Variants in AGBL4 observed in about 807,000 individuals in gnomAD.
AGBL4 encodes AGBL carboxypeptidase 4.
In AGBL4, 58 loss-of-function variants were observed where a neutral mutation model predicts 66.4. The observed-to-expected ratio is 0.87, with a 90% confidence interval of 0.71 to 1.09. The LOEUF (loss-of-function observed/expected upper bound fraction) is 1.09, where lower values mean the gene tolerates loss of function less well. AGBL4 is among the 50% of genes least tolerant of loss of function. The pLI, the probability that AGBL4 is intolerant of heterozygous loss-of-function variation, is 0.00. For synonymous variants in AGBL4, 234 were observed against 222.9 expected (o/e 1.05, Z -0.44); for missense variants, 579 against 631.0 (o/e 0.92, Z 0.88).
intron 4 of AGBL4, among the ~76,000 whole-genome samples, chr1:49,047,429 C>T (rs1644106975): frequency 6.6e-6 from 1 of 152,096 alleles, no homozygotes; most frequent in South Asian, 2.1e-4. Context: ...CATTTGCCTC[C>T]TACTCCCAAA....
intron 1 of AGBL4, among the ~76,000 whole-genome samples, chr1:49,978,981 T>A (rs988243426): frequency 2.8e-4 from 43 of 152,150 alleles, no homozygotes; most frequent in Non-Finnish European, 5.4e-4. Flanking sequence ...TATTGAAAAA[T>A]TTTTTGAAGA....
intron 4 of AGBL4, among the ~76,000 whole-genome samples, chr1:49,185,871 C>A (rs961746408): frequency 6.6e-6 from 1 of 152,126 alleles, no homozygotes; most frequent in African/African-American, 2.4e-5. Flanking sequence ...TCAAAGCAAT[C>A]TCAGCTTGTT....
intron 6 of AGBL4, among the ~76,000 whole-genome samples, chr1:48,800,169 A>G (rs1272605961): frequency 6.6e-6 from 1 of 152,162 alleles, no homozygotes; most frequent in African/African-American, 2.4e-5. Context: ...TATTGTTTCA[A>G]TCTCACCATT....
At chr1:48,550,224 C>G (rs1379533864) in intron 11 of AGBL4, among the ~76,000 whole-genome samples, 1 of 152,136 alleles carries the variant, frequency 6.6e-6, no homozygotes, top group East Asian at 1.9e-4. Context: ...CTTAAAACAA[C>G]AGAAATGTAT....
chr1:49,861,968 T>A (rs1646583257), intron 1 of AGBL4, among the ~76,000 whole-genome samples: 1 of 152,090 alleles, frequency 6.6e-6, no homozygotes. Flanking sequence ...TACCTAACTC[T>A]TCAATGCCCA....
At chr1:49,995,769 A>G (rs1395153942) in intron 1 of AGBL4, 1 of 155,806 alleles carries the variant, frequency 6.4e-6, no homozygotes, top group Admixed American at 6.4e-5. Context: ...AAATACAACC[A>G]AGGACCCTCA....
chr1:49,100,914 T>C (rs1023722163), intron 4 of AGBL4, among the ~76,000 whole-genome samples: 1 of 152,188 alleles, frequency 6.6e-6, no homozygotes, highest in Non-Finnish European at 1.5e-5. Context: ...ATAAGGATGC[T>C]GAGGCTTATA....
intron 3 of AGBL4, among the ~76,000 whole-genome samples, chr1:49,654,857 T>TG (rs1646089158): frequency 2.0e-5 from 3 of 152,298 alleles, no homozygotes; most frequent in African/African-American, 7.2e-5. Flanking sequence ...AGAACACTGA[T>TG]GATCTTGACT....
At chr1:49,333,612 T>C (rs138457413) in intron 3 of AGBL4, among the ~76,000 whole-genome samples, 1,624 of 152,304 alleles carry the variant, frequency 0.011, 12 homozygotes, top group South Asian at 0.015. Flanking sequence ...AGTAGTCTTA[T>C]GTTATTTAAA....
chr1:48,547,422 G>A (rs1644181990), intron 11 of AGBL4, among the ~76,000 whole-genome samples: 1 of 151,928 alleles, frequency 6.6e-6, no homozygotes, highest in Non-Finnish European at 1.5e-5. Context: ...GGGAAGGAGT[G>A]AAGGATGACT....
Position 49,187,077 on chromosome 1 carries a change from G to T in AGBL4, c.377+58693C>A, listed in dbSNP as rs190462431. ...TTGGCTTTAGCCAGCATTCATAAAA[G>T]GTATGAATAAGATTCAGAATTAAGT... On this transcript the variant is annotated intron_variant, in intron 4 of 13. Transcript: ENST00000371839. 2.2e-4 allele frequency among the ~76,000 whole-genome samples: 34 copies of T among 152,272 alleles called. 1 individual carries two copies. The highest frequency in any genetic ancestry group is 1.8e-3 in the Admixed American group (27 of 15,286).
chr1:49,762,656 C>T (rs1257279793), intron 2 of AGBL4, among the ~76,000 whole-genome samples: 1 of 152,228 alleles, frequency 6.6e-6, no homozygotes, highest in Non-Finnish European at 1.5e-5. Flanking sequence ...TCGTGCTCTG[C>T]CCGCCTTGGC....
At chr1:48,694,048 CAAAAA>C (rs61574470) in intron 6 of AGBL4, among the ~76,000 whole-genome samples, 3 of 56,978 alleles carry the variant, frequency 5.3e-5, no homozygotes, top group Admixed American at 4.2e-4. Flanking sequence ...TTTCCCTATT[CAAAAA>C]AAAAAAAAAA....
At chr1:49,199,566 TCA>T (rs1397521727) in intron 4 of AGBL4, among the ~76,000 whole-genome samples, 1 of 152,184 alleles carries the variant, frequency 6.6e-6, no homozygotes, top group African/African-American at 2.4e-5. Flanking sequence ...TGGGAAGATC[TCA>T]TTTTTATCCC....
At chr1:48,601,825 T>A (rs1328022421) in intron 9 of AGBL4, among the ~76,000 whole-genome samples, 1 of 152,046 alleles carries the variant, frequency 6.6e-6, no homozygotes, top group Non-Finnish European at 1.5e-5. Context: ...ACTTGGGAAG[T>A]CATCCTATGT....
intron 3 of AGBL4, among the ~76,000 whole-genome samples, chr1:49,252,771 A>C (rs1444236939): frequency 1.3e-5 from 2 of 152,212 alleles, no homozygotes; most frequent in African/African-American, 4.8e-5. Context: ...TATTAAATAA[A>C]AGAAATTTCA....
intron 5 of AGBL4, among the ~76,000 whole-genome samples, chr1:48,908,145 C>G (rs1372824653): frequency 2.6e-5 from 4 of 152,160 alleles, no homozygotes; most frequent in South Asian, 2.1e-4. Flanking sequence ...TAATTTGGTC[C>G]TGACCTTGTA....
intron 2 of AGBL4, among the ~76,000 whole-genome samples, chr1:49,758,131 T>C (rs1174924064): frequency 4.6e-5 from 7 of 152,118 alleles, no homozygotes; most frequent in Non-Finnish European, 8.8e-5. Flanking sequence ...CTTCAAAAGG[T>C]GCAAGCCCCA....
intron 1 of AGBL4, among the ~76,000 whole-genome samples, chr1:49,976,573 T>G (rs1291701154): frequency 6.6e-6 from 1 of 152,180 alleles, no homozygotes; most frequent in African/African-American, 2.4e-5. Context: ...ATTTTCTGAT[T>G]AAGTATAGAG....
Sources: allele counts gnomAD v4.1 joint callset (sites outside exome capture counted in the v4.1 genomes callset), GRCh38; gene constraint gnomAD v4.1.1; transcripts MANE v1.5; gene names NCBI Gene and HGNC (gene_info 2026-07-23, HGNC 2026-07-21).